The following PRKG1 variants were observed in gnomAD, a reference collection of about 807,000 sequenced individuals.
PRKG1 encodes protein kinase cGMP-dependent 1, also known as cGMP-dependent protein kinase 1.
A neutral mutation model predicts 88.1 loss-of-function variants in PRKG1; 35 were observed. The observed-to-expected ratio is 0.40, with a 90% CI of 0.30 to 0.53. The LOEUF (loss-of-function observed/expected upper bound fraction) is 0.53, where lower values mean the gene tolerates loss of function less well. PRKG1 is among the 20% of genes least tolerant of loss of function. The pLI is 0.59. For synonymous variants in PRKG1, 303 were observed against 292.5 expected, an observed-to-expected ratio of 1.04 and a Z score of -0.37; for missense variants, 540 against 839.8, an observed-to-expected ratio of 0.64 and a Z score of 4.41.
At chr10:51,570,391 A>G (rs1334146180) in intron 3 of PRKG1, among the ~76,000 whole-genome samples, 2 of 151,894 alleles carry the variant, frequency 1.3e-5, no homozygotes, top group African/African-American at 4.8e-5. Context: ...TTAAGAAAAT[A>G]AGGAAGACGA....
chr10:51,494,966 T>C (rs1564522227), intron 3 of PRKG1, among the ~76,000 whole-genome samples: 1 of 152,204 alleles, frequency 6.6e-6, no homozygotes, highest in Admixed American at 6.5e-5. Flanking sequence ...TGTAAATGTA[T>C]TGCCCATTTT....
At chr10:51,225,879 G>A (rs1838678833) in intron 2 of PRKG1, among the ~76,000 whole-genome samples, 1 of 152,156 alleles carries the variant, frequency 6.6e-6, no homozygotes, top group Non-Finnish European at 1.5e-5. Flanking sequence ...TGGGAATAAT[G>A]TAGATCCCCT....
chr10:52,217,948 T>G (rs1473526860), intron 9 of PRKG1, among the ~76,000 whole-genome samples: 1 of 152,136 alleles, frequency 6.6e-6, no homozygotes, highest in African/African-American at 2.4e-5. Flanking sequence ...GAGCCGTGGC[T>G]CACACCTGTA....
At chr10:51,627,953 T>C (rs146096595) in intron 3 of PRKG1, among the ~76,000 whole-genome samples, 5,365 of 32,980 alleles carry the variant, frequency 0.16, 420 homozygotes, top group Middle Eastern at 0.28. Flanking sequence ...TTTCTTTCTT[T>C]CTTTCTTTCT....
intron 4 of PRKG1, among the ~76,000 whole-genome samples, chr10:51,816,491 A>G (rs931270410): frequency 3.3e-5 from 5 of 152,006 alleles, no homozygotes; most frequent in African/African-American, 1.2e-4. Flanking sequence ...GTGCATTGCT[A>G]TAAACATTTC....
chr10:52,227,853 G>A (rs777438114), intron 9 of PRKG1, among the ~76,000 whole-genome samples: 7 of 152,198 alleles, frequency 4.6e-5, no homozygotes, highest in Middle Eastern at 6.8e-3. Flanking sequence ...TATTATTGTC[G>A]TTCTCTGGGT....
At chr10:51,184,182 A>G (rs533799987) in intron 2 of PRKG1, among the ~76,000 whole-genome samples, 12 of 152,286 alleles carry the variant, frequency 7.9e-5, no homozygotes, top group South Asian at 4.1e-4. Context: ...AAACAAGTAC[A>G]TTTCATGGTG....
chr10:51,523,455 A>G (rs544662729), intron 3 of PRKG1, among the ~76,000 whole-genome samples: 1 of 152,336 alleles, frequency 6.6e-6, no homozygotes, highest in African/African-American at 2.4e-5. Flanking sequence ...GACAAAGTCT[A>G]CAAACATGAA....
chr10:51,773,200 T>C (rs1032748419), intron 3 of PRKG1, among the ~76,000 whole-genome samples: 1 of 152,110 alleles, frequency 6.6e-6, no homozygotes, highest in Non-Finnish European at 1.5e-5. Context: ...ATTTATGCTA[T>C]AGTTGACTTT....
chr10:51,116,543 A>G (rs1054420046), intron 1 of PRKG1, among the ~76,000 whole-genome samples: 1 of 152,218 alleles, frequency 6.6e-6, no homozygotes, highest in Non-Finnish European at 1.5e-5. Flanking sequence ...GAATGTTAAT[A>G]TGATGCAAAC....
At chr10:51,637,353 A>T (rs764790418) in intron 3 of PRKG1, among the ~76,000 whole-genome samples, 3 of 152,344 alleles carry the variant, frequency 2.0e-5, no homozygotes, top group Non-Finnish European at 2.9e-5. Context: ...TGTGGAAGAC[A>T]GTGTGGCAAT....
chr10:51,248,635 T>C (rs547262046), intron 2 of PRKG1, among the ~76,000 whole-genome samples: 1 of 151,836 alleles, frequency 6.6e-6, no homozygotes, highest in Non-Finnish European at 1.5e-5. Flanking sequence ...AGAAATGGTC[T>C]CTATGGCAAA....
chr10:51,252,261 A>T (rs113438532), intron 2 of PRKG1, among the ~76,000 whole-genome samples: 1,767 of 151,968 alleles, frequency 0.012, 45 homozygotes, highest in African/African-American at 0.04. Flanking sequence ...TCTTCAGGTG[A>T]TAACACTTTT....
chr10:52,295,615 T>C lies in PRKG1; in HGVS notation c.*1715T>C, dbSNP rs1323377236. ...CATTCTGTTTTGGCCCTGTGTGAAT[T>C]TGGTATATTAAATTGACGCTTGCTT... On this transcript the variant is annotated 3_prime_UTR_variant, in exon 18 of 18. Coordinates refer to ENST00000373980, the MANE Select transcript of PRKG1 (RefSeq NM_006258.4). 6.6e-6 allele frequency: 1 copy of C among 151,958 alleles called. No homozygotes were observed. Among genetic ancestry groups the C allele is most frequent in the Non-Finnish European group, 1.5e-5 (1 of 67,890 alleles). 9.4% of individuals were successfully genotyped at this position (151,958 alleles called of 1,614,324 possible).
intron 2 of PRKG1, among the ~76,000 whole-genome samples, chr10:51,370,870 C>T (rs1842691420): frequency 6.6e-6 from 1 of 151,802 alleles, no homozygotes; most frequent in Non-Finnish European, 1.5e-5. Context: ...CCTACATGGC[C>T]ATGCGTAGGG....
At chr10:51,167,491 G>A (rs1001634732) in intron 2 of PRKG1, among the ~76,000 whole-genome samples, 1 of 152,132 alleles carries the variant, frequency 6.6e-6, no homozygotes, top group African/African-American at 2.4e-5. Flanking sequence ...GTTGAGATGA[G>A]ACATGATCTG....
chr10:51,411,389 A>G lies in PRKG1; in HGVS notation c.479-56334A>G, dbSNP rs376150706. Among the ~76,000 whole-genome samples the G allele has an allele frequency of 6.6e-5, 10 of 152,354 alleles. No individual in the cohort carries two copies. The East Asian group carries it at 1.2e-3, about 18-fold the overall frequency. On this transcript the variant is annotated intron_variant, in intron 2 of 17. Coordinates refer to ENST00000373980, the MANE Select transcript of PRKG1 (RefSeq NM_006258.4). The stretch of plus-strand genomic sequence containing the variant: ...TATGATAAGGAATGTTTAGGTAAGG[A>G]CAGGAAACTTACAGAATGAAGTTAC...
intron 2 of PRKG1, among the ~76,000 whole-genome samples, chr10:51,362,373 A>G (rs1842500082): frequency 6.6e-6 from 1 of 151,836 alleles, no homozygotes; most frequent in Admixed American, 6.6e-5. Context: ...AATATGCATC[A>G]TGGCTTCTTT....
intron 3 of PRKG1, among the ~76,000 whole-genome samples, chr10:51,615,005 A>C (rs1418301878): frequency 2.9e-5 from 3 of 102,876 alleles, no homozygotes; most frequent in Non-Finnish European, 4.0e-5. Flanking sequence ...CCATCTTTGA[A>C]TATATTCAAC....
Sources: gnomAD v4.1 joint callset for allele counts (sites outside exome capture counted in the v4.1 genomes callset) on GRCh38, gnomAD v4.1.1 for gene constraint, MANE v1.5 for transcripts, NCBI Gene and HGNC (gene_info 2026-07-23, HGNC 2026-07-21) for gene names.